The following ROR2 variants were observed in gnomAD, a reference collection of about 807,000 sequenced individuals.
ROR2 encodes ROR family WNT receptor 2, also known as tyrosine-protein kinase transmembrane receptor ROR2.
A neutral mutation model predicts 74.9 loss-of-function variants in ROR2; 33 were observed. The observed-to-expected ratio is 0.44, with a 90% CI of 0.33 to 0.59. The LOEUF is 0.59. Ranked by LOEUF, ROR2 falls within the 20% of genes least tolerant of loss-of-function variation. The pLI is 0.02. For missense variants in ROR2, 1,216 were observed against 1,313.8 expected (o/e 0.93, Z 1.15); for synonymous variants, 586 against 558.7 (o/e 1.05, Z -0.69).
intron 1 of ROR2, among the ~76,000 whole-genome samples, chr9:91,860,858 A>G (rs934960843): frequency 3.3e-5 from 5 of 152,228 alleles, no homozygotes; most frequent in African/African-American, 1.2e-4. Flanking sequence ...GTAATGCTCT[A>G]CCATTCTCTA....
chr9:91,754,202 AAT>A (rs952543805), intron 4 of ROR2, among the ~76,000 whole-genome samples: 52 of 150,966 alleles, frequency 3.4e-4, no homozygotes, highest in South Asian at 1.0e-3. Flanking sequence ...AATTTATATA[AAT>A]ATATATATTT....
intron 1 of ROR2, among the ~76,000 whole-genome samples, chr9:91,930,839 C>T (rs760921237): frequency 4.9e-4 from 74 of 152,176 alleles, no homozygotes; most frequent in Admixed American, 8.5e-4. Flanking sequence ...TAAAGCAAGA[C>T]TTAATTTGCA....
chr9:91,845,769 C>G (rs1828908494), intron 1 of ROR2, among the ~76,000 whole-genome samples: 2 of 149,478 alleles, frequency 1.3e-5, no homozygotes, highest in Admixed American at 1.4e-4. Flanking sequence ...ATCATCCCAG[C>G]TACTCAGCCG....
intron 1 of ROR2, among the ~76,000 whole-genome samples, chr9:91,793,006 G>T (rs1051913985): frequency 1.3e-5 from 2 of 152,172 alleles, no homozygotes; most frequent in Admixed American, 1.3e-4. Flanking sequence ...AAGAGTTAAG[G>T]TCAATCCTTC....
chr9:91,883,776 T>C (rs139066544), intron 1 of ROR2, among the ~76,000 whole-genome samples: 1 of 152,298 alleles, frequency 6.6e-6, no homozygotes, highest in East Asian at 1.9e-4. Flanking sequence ...GAAGTGTCCT[T>C]GCAGGAAGTT....
intron 1 of ROR2, among the ~76,000 whole-genome samples, chr9:91,899,770 CACACA>C (rs2119429011): frequency 1.3e-5 from 2 of 152,248 alleles, no homozygotes; most frequent in South Asian, 4.2e-4. Flanking sequence ...CAAACGTGTG[CACACA>C]ACACATGCGC....
At chr9:91,798,233 T>C (rs1227962163) in intron 1 of ROR2, among the ~76,000 whole-genome samples, 9 of 99,010 alleles carry the variant, frequency 9.1e-5, no homozygotes, top group Admixed American at 9.1e-4. Flanking sequence ...GCTCTGTGGG[T>C]GGGGCTGACA....
chr9:91,798,228 G>T, intron 1 of ROR2, among the ~76,000 whole-genome samples: 1 of 117,140 alleles, frequency 8.5e-6, no homozygotes, highest in Non-Finnish European at 1.8e-5. Context: ...CCTGGGCTCT[G>T]TGGGTGGGGC....
intron 2 of ROR2, among the ~76,000 whole-genome samples, chr9:91,772,691 C>T (rs1042302454): frequency 1.3e-5 from 2 of 152,226 alleles, no homozygotes; most frequent in African/African-American, 4.8e-5. Flanking sequence ...CCGAGGCAAA[C>T]TTCCAAACTC....
chr9:91,932,634 A>G (rs1831578222), intron 1 of ROR2, among the ~76,000 whole-genome samples: 1 of 152,028 alleles, frequency 6.6e-6, no homozygotes, highest in African/African-American at 2.4e-5. Context: ...ATTGCACTCC[A>G]GCCTGGGCAA....
At chr9:91,840,598 C>T (rs1385720482) in intron 1 of ROR2, among the ~76,000 whole-genome samples, 1 of 152,252 alleles carries the variant, frequency 6.6e-6, no homozygotes, top group Admixed American at 6.5e-5. Context: ...GCTGGCCATG[C>T]TCCCTGGCCC....
chr9:91,851,618 G>A (rs1829094968), intron 1 of ROR2, among the ~76,000 whole-genome samples: 1 of 152,124 alleles, frequency 6.6e-6, no homozygotes, highest in Admixed American at 6.5e-5. Context: ...AGTTGGAACT[G>A]TATTAAATTT....
At chr9:91,782,784 G>A (rs1371906904) in intron 1 of ROR2, among the ~76,000 whole-genome samples, 1 of 152,118 alleles carries the variant, frequency 6.6e-6, no homozygotes, top group African/African-American at 2.4e-5. Context: ...AACCCAGAGG[G>A]GGTTCAAAAG....
chr9:91,893,798 AC>A (rs1830478011), intron 1 of ROR2, among the ~76,000 whole-genome samples: 1 of 152,096 alleles, frequency 6.6e-6, no homozygotes, highest in South Asian at 2.1e-4. Context: ...CTCCCCTGCC[AC>A]ACTCTCCTGC....
At chr9:91,781,516 C>T (rs902510721) in intron 1 of ROR2, among the ~76,000 whole-genome samples, 1 of 152,174 alleles carries the variant, frequency 6.6e-6, no homozygotes, top group African/African-American at 2.4e-5. Context: ...TAGTCTGGGA[C>T]CTGGGTCAGG....
intron 4 of ROR2, among the ~76,000 whole-genome samples, chr9:91,738,290 C>T (rs1825103832): frequency 6.6e-6 from 1 of 152,098 alleles, no homozygotes; most frequent in African/African-American, 2.4e-5. Flanking sequence ...TTCTATAAAC[C>T]TACAACTGTT....
At chr9:91,838,648 C>T (rs1181915760) in intron 1 of ROR2, among the ~76,000 whole-genome samples, 28 of 152,196 alleles carry the variant, frequency 1.8e-4, no homozygotes, top group Admixed American at 1.8e-3. Flanking sequence ...GCATGGCTGT[C>T]TCGGCCCCTT....
intron 1 of ROR2, among the ~76,000 whole-genome samples, chr9:91,871,839 AC>A (rs573963824): frequency 6.6e-6 from 1 of 150,960 alleles, no homozygotes; most frequent in South Asian, 2.1e-4. Context: ...GGGTCGAGAG[AC>A]CCCCCCAGCA....
At chr9:91,768,721 G>C (rs962113296) in intron 2 of ROR2, among the ~76,000 whole-genome samples, 1 of 152,152 alleles carries the variant, frequency 6.6e-6, no homozygotes, top group Non-Finnish European at 1.5e-5. Context: ...GCAGGAAGCC[G>C]CTGTGGGTCT....
Sources: gnomAD v4.1 joint callset for allele counts (sites outside exome capture counted in the v4.1 genomes callset) on GRCh38, gnomAD v4.1.1 for gene constraint, MANE v1.5 for transcripts, NCBI Gene and HGNC (gene_info 2026-07-23, HGNC 2026-07-21) for gene names.